The following SLC24A2 variants were observed in gnomAD, a reference collection of about 807,000 sequenced individuals.
The protein encoded by SLC24A2 is solute carrier family 24 member 2.
SLC24A2 carries 36 observed loss-of-function variants against 62.0 expected under a neutral mutation model. The ratio of observed to expected loss-of-function variants is 0.58; its 90% CI spans 0.44 to 0.77. SLC24A2 has a LOEUF of 0.77. SLC24A2 is among the 30% of genes least tolerant of loss of function. SLC24A2 has a pLI of 0.00. For synonymous variants in SLC24A2, 358 were observed against 294.0 expected, an observed-to-expected ratio of 1.22 and a Z score of -2.23; for missense variants, 846 against 817.9, an observed-to-expected ratio of 1.03 and a Z score of -0.42.
At chr9:20,143,858 ACT>A in the SLC24A2 span, among the ~76,000 whole-genome samples, 1 of 152,156 alleles carries the variant, frequency 6.6e-6, no homozygotes, top group Non-Finnish European at 1.5e-5. Context: ...TACACATATG[ACT>A]CTAATATTTT....
the SLC24A2 span, among the ~76,000 whole-genome samples, chr9:20,059,762 C>T: frequency 0.17 from 26,188 of 151,730 alleles, 2,293 homozygotes; most frequent in East Asian, 0.22. Context: ...GAAGTTCAAA[C>T]TAAAACCAAA....
the SLC24A2 span, among the ~76,000 whole-genome samples, chr9:20,035,842 C>A: frequency 6.6e-6 from 1 of 152,166 alleles, no homozygotes; most frequent in Non-Finnish European, 1.5e-5. Flanking sequence ...TTCTTCTCAT[C>A]CAATTTCATG....
the SLC24A2 span, among the ~76,000 whole-genome samples, chr9:19,870,434 C>A: frequency 6.6e-6 from 1 of 152,052 alleles, no homozygotes; most frequent in African/African-American, 2.4e-5. Context: ...GTTATTTCTA[C>A]TTTTTAGCTA....
chr9:19,826,694 A>G, the SLC24A2 span, among the ~76,000 whole-genome samples: 1 of 152,206 alleles, frequency 6.6e-6, no homozygotes, highest in Non-Finnish European at 1.5e-5. Flanking sequence ...TTAATAAGGC[A>G]TTAATCTCAT....
intron 2 of SLC24A2, among the ~76,000 whole-genome samples, chr9:19,692,357 T>C (rs1184958673): frequency 6.6e-6 from 1 of 152,094 alleles, no homozygotes. Flanking sequence ...CAGACACTAA[T>C]AATGACCTCA....
the SLC24A2 span, among the ~76,000 whole-genome samples, chr9:20,009,383 CAAAAAAAAAA>C: frequency 6.2e-5 from 7 of 112,350 alleles, no homozygotes; most frequent in African/African-American, 2.0e-4. Context: ...AACTCTGTCT[CAAAAAAAAAA>C]AAAAAAAAAA....
At chr9:20,198,794 G>A in the SLC24A2 span, among the ~76,000 whole-genome samples, 1 of 151,820 alleles carries the variant, frequency 6.6e-6, no homozygotes, top group Non-Finnish European at 1.5e-5. Context: ...GCACAGTTAA[G>A]ATTGCTAAAC....
At position 19,643,740 on chromosome 9, in the gene SLC24A2, T is replaced by C. The variant is rs190858855; in HGVS notation, c.931-21441A>G. ...GTCTGCAAAGAACTTGTAATATATC[T>C]CTATTAACTTGTTGCTTAGGACAGC... On this transcript the variant is annotated intron_variant, in intron 2 of 10. Transcript: ENST00000341998. Among the ~76,000 whole-genome samples the C allele has an allele frequency of 1.7e-3, 260 of 152,354 alleles. 1 individual carries two copies. Among genetic ancestry groups the C allele is most frequent in the Non-Finnish European group, 1.1e-3 (72 of 68,036 alleles).
At chr9:20,291,524 C>G in the SLC24A2 span, among the ~76,000 whole-genome samples, 6 of 152,122 alleles carry the variant, frequency 3.9e-5, no homozygotes, top group Non-Finnish European at 7.3e-5. Flanking sequence ...GATGCTATGG[C>G]AGACACCTTA....
the SLC24A2 span, among the ~76,000 whole-genome samples, chr9:19,845,848 A>G: frequency 6.6e-6 from 1 of 152,086 alleles, no homozygotes; most frequent in South Asian, 2.1e-4. Context: ...CTGTTTATCC[A>G]AAAGTCATTC....
intron 2 of SLC24A2, among the ~76,000 whole-genome samples, chr9:19,697,548 T>C (rs1017004275): frequency 5.3e-5 from 8 of 152,210 alleles, no homozygotes; most frequent in African/African-American, 9.6e-5. Flanking sequence ...TTTAATTGCA[T>C]AAATAAGTGA....
chr9:20,215,895 C>A, the SLC24A2 span, among the ~76,000 whole-genome samples: 1 of 152,154 alleles, frequency 6.6e-6, no homozygotes, highest in South Asian at 2.1e-4. Flanking sequence ...AGCATGCAAG[C>A]GTCTCATGCT....
At chr9:19,523,471 TG>T (rs1275957655) in intron 9 of SLC24A2, among the ~76,000 whole-genome samples, 1 of 152,134 alleles carries the variant, frequency 6.6e-6, no homozygotes. Flanking sequence ...TAACTTAATA[TG>T]TTTTTTTTGA....
At chr9:20,214,434 A>C in the SLC24A2 span, among the ~76,000 whole-genome samples, 138 of 152,178 alleles carry the variant, frequency 9.1e-4, no homozygotes, top group African/African-American at 3.1e-3. Flanking sequence ...AACACAGTGA[A>C]ACCCCATCTC....
chr9:19,687,439 A>C (rs1819916177), intron 2 of SLC24A2, among the ~76,000 whole-genome samples: 1 of 152,104 alleles, frequency 6.6e-6, no homozygotes, highest in South Asian at 2.1e-4. Context: ...CTCGAAGGTG[A>C]AATCAATTAG....
the SLC24A2 span, among the ~76,000 whole-genome samples, chr9:19,837,341 A>C: frequency 1.3e-5 from 2 of 150,618 alleles, no homozygotes; most frequent in Non-Finnish European, 3.0e-5. Context: ...AGTCCCAGCT[A>C]CTCGGGAGGC....
chr9:20,233,815 T>C, the SLC24A2 span, among the ~76,000 whole-genome samples: 49 of 152,296 alleles, frequency 3.2e-4, no homozygotes, highest in Middle Eastern at 6.8e-3. Context: ...CAGTTTCTTC[T>C]TAGCCTTGAT....
the SLC24A2 span, among the ~76,000 whole-genome samples, chr9:19,890,258 A>G: frequency 1.6e-4 from 24 of 152,216 alleles, no homozygotes; most frequent in African/African-American, 5.5e-4. Flanking sequence ...CTGACATTGT[A>G]TTGCTTATGC....
the SLC24A2 span, among the ~76,000 whole-genome samples, chr9:20,008,110 G>T: frequency 6.6e-6 from 1 of 151,578 alleles, no homozygotes; most frequent in Non-Finnish European, 1.5e-5. Context: ...TGGCCAGGCT[G>T]GTCTTGAACT....
Sources: gnomAD v4.1 joint callset for allele counts (sites outside exome capture counted in the v4.1 genomes callset) on GRCh38, gnomAD v4.1.1 for gene constraint, MANE v1.5 for transcripts, NCBI Gene and HGNC (gene_info 2026-07-23, HGNC 2026-07-21) for gene names.